The following DCDC2 variants were observed in gnomAD, a reference collection of about 807,000 sequenced individuals.
DCDC2 encodes doublecortin domain containing 2, also known as doublecortin domain-containing protein 2.
DCDC2 carries 40 observed loss-of-function variants against 50.2 expected under a neutral mutation model. The observed-to-expected ratio is 0.80, with a 90% CI of 0.62 to 1.04. The LOEUF is 1.04. Among genes scored for constraint, DCDC2 ranks in the 50% least tolerant of loss-of-function variants. The pLI is 0.00. For synonymous variants in DCDC2, 234 were observed against 210.6 expected (o/e 1.11, Z -0.96); for missense variants, 570 against 581.9 (o/e 0.98, Z 0.21).
intron 4 of DCDC2, among the ~76,000 whole-genome samples, chr6:24,291,440 A>G (rs953589165): frequency 6.8e-6 from 1 of 147,960 alleles, no homozygotes; most frequent in Non-Finnish European, 1.5e-5. Flanking sequence ...CTCTGTTTCC[A>G]TTGAACATTG....
chr6:24,244,175 AAAAT>A (rs1414118917), intron 7 of DCDC2, among the ~76,000 whole-genome samples: 1 of 152,208 alleles, frequency 6.6e-6, no homozygotes, highest in Non-Finnish European at 1.5e-5. Flanking sequence ...AGAAGACTTC[AAAAT>A]AAATAGACTA....
chr6:24,351,415 G>A (rs1760370215), intron 2 of DCDC2, among the ~76,000 whole-genome samples: 1 of 152,224 alleles, frequency 6.6e-6, no homozygotes, highest in African/African-American at 2.4e-5. Context: ...GTGAGTGGAA[G>A]ATGCGGGAAA....
intron 7 of DCDC2, among the ~76,000 whole-genome samples, chr6:24,266,684 G>C (rs1312218274): frequency 6.6e-6 from 1 of 152,168 alleles, no homozygotes; most frequent in Non-Finnish European, 1.5e-5. Flanking sequence ...CAAAGATGTA[G>C]AGAAAAGGGA....
At chr6:24,215,854 A>C (rs1440902552) in intron 7 of DCDC2, among the ~76,000 whole-genome samples, 2 of 152,212 alleles carry the variant, frequency 1.3e-5, no homozygotes, top group Non-Finnish European at 1.5e-5. Context: ...GATTAACAGA[A>C]TGCAACAAGA....
intron 7 of DCDC2, among the ~76,000 whole-genome samples, chr6:24,207,957 A>G (rs996452674): frequency 1.3e-5 from 2 of 152,128 alleles, no homozygotes; most frequent in Non-Finnish European, 2.9e-5. Flanking sequence ...CTTCATTTTA[A>G]AGGAAATCTA....
At chr6:24,297,336 G>T (rs761232098) in intron 4 of DCDC2, among the ~76,000 whole-genome samples, 1 of 151,990 alleles carries the variant, frequency 6.6e-6, no homozygotes, top group Non-Finnish European at 1.5e-5. Context: ...GGAGAGAGAG[G>T]AACAGTAAAA....
At chr6:24,337,793 G>A (rs553054937) in intron 2 of DCDC2, among the ~76,000 whole-genome samples, 14 of 60,788 alleles carry the variant, frequency 2.3e-4, no homozygotes, top group South Asian at 1.3e-3. Context: ...GCAAGACTCC[G>A]TCTCAAAAAA....
intron 7 of DCDC2, among the ~76,000 whole-genome samples, chr6:24,232,146 T>C (rs150557356): frequency 6.6e-6 from 1 of 152,218 alleles, no homozygotes; most frequent in Non-Finnish European, 1.5e-5. Flanking sequence ...TTATGCCATG[T>C]CTGAAATATC....
chr6:24,353,529 C>A (rs1168434520), intron 2 of DCDC2, 40 bp downstream of exon 2: 4 of 1,282,796 alleles, frequency 3.1e-6, no homozygotes, highest in East Asian at 4.6e-5. Flanking sequence ...ACAAATGGCA[C>A]CGTTATTTAT....
the DCDC2 span, among the ~76,000 whole-genome samples, chr6:24,363,358 G>A: frequency 2.6e-5 from 4 of 151,992 alleles, no homozygotes; most frequent in Non-Finnish European, 5.9e-5. Flanking sequence ...AAAATTATCA[G>A]GGCATAGTGG....
the DCDC2 span, among the ~76,000 whole-genome samples, chr6:24,381,942 G>GA: frequency 6.8e-5 from 7 of 102,240 alleles, no homozygotes; most frequent in East Asian, 7.3e-4. Context: ...AAGAAAGAAA[G>GA]AAGAAGAAGG....
chr6:24,233,703 G>C (rs1275963396), intron 7 of DCDC2, among the ~76,000 whole-genome samples: 1 of 152,178 alleles, frequency 6.6e-6, no homozygotes, highest in African/African-American at 2.4e-5. Context: ...AAGAAGTTCA[G>C]TTAGAAGCTC....
intron 2 of DCDC2, among the ~76,000 whole-genome samples, chr6:24,311,776 T>C (rs1759573836): frequency 1.3e-5 from 2 of 152,234 alleles, no homozygotes; most frequent in African/African-American, 4.8e-5. Flanking sequence ...TTCTTCCTAC[T>C]GTGCCTTGCA....
intron 8 of DCDC2, among the ~76,000 whole-genome samples, chr6:24,199,076 G>A (rs1206568434): frequency 1.3e-5 from 2 of 152,324 alleles, no homozygotes; most frequent in African/African-American, 4.8e-5. Flanking sequence ...GCGGCTGTGG[G>A]CACAACTTCA....
At chr6:24,252,717 T>C (rs1324385302) in intron 7 of DCDC2, among the ~76,000 whole-genome samples, 3 of 152,174 alleles carry the variant, frequency 2.0e-5, no homozygotes, top group Non-Finnish European at 4.4e-5. Flanking sequence ...ACAAATACAC[T>C]GACACAGCAC....
intron 6 of DCDC2, among the ~76,000 whole-genome samples, chr6:24,280,783 A>G (rs559049797): frequency 3.8e-4 from 58 of 152,030 alleles, no homozygotes; most frequent in Middle Eastern, 3.4e-3. Context: ...CAGGTGATCC[A>G]CCCACCTCAG....
intron 7 of DCDC2, among the ~76,000 whole-genome samples, chr6:24,247,359 C>A (rs1478328056): frequency 6.6e-6 from 1 of 151,622 alleles, no homozygotes; most frequent in African/African-American, 2.4e-5. Context: ...AAAATCACAG[C>A]AAATACCCAT....
intron 9 of DCDC2, among the ~76,000 whole-genome samples, chr6:24,177,961 T>C (rs192871527): frequency 8.5e-5 from 13 of 152,340 alleles, no homozygotes; most frequent in African/African-American, 9.6e-5. Flanking sequence ...GATATTCTTT[T>C]TTGGTTTCTA....
chr6:24,288,985 C>T (rs1056557392), intron 5 of DCDC2, 79 bp from the exon 6 acceptor site: 3 of 1,093,412 alleles, frequency 2.7e-6, no homozygotes, highest in Non-Finnish European at 4.0e-6. Flanking sequence ...ATCATCCCCA[C>T]CTGGAAGTCA....
Sources: allele counts gnomAD v4.1 joint callset (sites outside exome capture counted in the v4.1 genomes callset), GRCh38; gene constraint gnomAD v4.1.1; transcripts MANE v1.5; gene names NCBI Gene and HGNC (gene_info 2026-07-23, HGNC 2026-07-21).